Variants in ABTB3 observed in about 807,000 individuals in gnomAD.
ABTB3 encodes ankyrin repeat and BTB domain containing 3.
At chr12:107,433,296 CAAAAAAAAAA>C in the ABTB3 span, among the ~76,000 whole-genome samples, 309 of 23,116 alleles carry the variant, frequency 0.013, 1 homozygote, top group African/African-American at 0.037. Flanking sequence ...GACTCCGTCT[CAAAAAAAAAA>C]AAAAAAAAAA....
chr12:107,626,433 C>T, the ABTB3 span, among the ~76,000 whole-genome samples: 4 of 149,800 alleles, frequency 2.7e-5, no homozygotes, highest in Admixed American at 1.3e-4. Context: ...GCAAGCTCCA[C>T]CTCCCAGGTT....
the ABTB3 span, among the ~76,000 whole-genome samples, chr12:107,458,322 C>T: frequency 2.0e-5 from 3 of 152,176 alleles, no homozygotes; most frequent in African/African-American, 4.8e-5. Flanking sequence ...AAGTGACTTG[C>T]ATAAGGTCAC....
the ABTB3 span, chr12:107,320,149 C>G: frequency 7.4e-7 from 1 of 1,354,478 alleles, no homozygotes; most frequent in East Asian, 2.8e-5. Flanking sequence ...CCTCGCGTCC[C>G]CCTCCCGCGT....
At chr12:107,577,309 G>A in the ABTB3 span, among the ~76,000 whole-genome samples, 47 of 152,310 alleles carry the variant, frequency 3.1e-4, no homozygotes, top group African/African-American at 9.1e-4. Context: ...AGGCCAAAAC[G>A]TTGATGGGCC....
the ABTB3 span, among the ~76,000 whole-genome samples, chr12:107,503,103 C>A: frequency 6.6e-6 from 1 of 152,128 alleles, no homozygotes; most frequent in African/African-American, 2.4e-5. Flanking sequence ...CAGAAGGAAA[C>A]CATGGGCAAG....
At chr12:107,551,205 C>G in the ABTB3 span, among the ~76,000 whole-genome samples, 6 of 152,176 alleles carry the variant, frequency 3.9e-5, no homozygotes, top group African/African-American at 1.2e-4. Context: ...CAATGCCCAG[C>G]CCAGGGCTAA....
chr12:107,337,482 T>G, the ABTB3 span, among the ~76,000 whole-genome samples: 1 of 152,230 alleles, frequency 6.6e-6, no homozygotes, highest in African/African-American at 2.4e-5. Flanking sequence ...CTGGTTCCCA[T>G]GTACCAGATT....
the ABTB3 span, among the ~76,000 whole-genome samples, chr12:107,590,585 C>T: frequency 1.6e-4 from 25 of 152,212 alleles, no homozygotes; most frequent in Non-Finnish European, 3.2e-4. Flanking sequence ...ACAGCAGTTC[C>T]AACAGGCTGG....
the ABTB3 span, among the ~76,000 whole-genome samples, chr12:107,497,229 G>A: frequency 5.1e-5 from 5 of 98,316 alleles, no homozygotes; most frequent in African/African-American, 1.9e-4. Context: ...CCACCTCTAC[G>A]CTCACCACCA....
At chr12:107,524,724 T>C in the ABTB3 span, among the ~76,000 whole-genome samples, 1 of 152,224 alleles carries the variant, frequency 6.6e-6, no homozygotes, top group African/African-American at 2.4e-5. Flanking sequence ...TCCAAGCTTC[T>C]CAAGGCAAAG....
the ABTB3 span, among the ~76,000 whole-genome samples, chr12:107,567,710 G>T: frequency 1.3e-5 from 2 of 152,158 alleles, no homozygotes; most frequent in Non-Finnish European, 2.9e-5. Flanking sequence ...CAGATCACAG[G>T]CCGCATTCGA....
chr12:107,615,649 T>A, the ABTB3 span, among the ~76,000 whole-genome samples: 2 of 152,188 alleles, frequency 1.3e-5, no homozygotes, highest in Admixed American at 6.5e-5. Flanking sequence ...GAGAATCAGG[T>A]CCAGGAGGTC....
the ABTB3 span, among the ~76,000 whole-genome samples, chr12:107,415,207 C>T: frequency 6.6e-6 from 1 of 152,156 alleles, no homozygotes; most frequent in Non-Finnish European, 1.5e-5. Context: ...TCAGAAGGAC[C>T]TTCCATGGCC....
the ABTB3 span, among the ~76,000 whole-genome samples, chr12:107,461,856 T>A: frequency 6.6e-6 from 1 of 152,120 alleles, no homozygotes; most frequent in African/African-American, 2.4e-5. Flanking sequence ...AATCAAATGC[T>A]CCCCTGCTGG....
the ABTB3 span, among the ~76,000 whole-genome samples, chr12:107,391,364 C>T: frequency 2.6e-5 from 4 of 152,060 alleles, no homozygotes; most frequent in African/African-American, 4.8e-5. Context: ...ATCATCAGGC[C>T]GGACCACCTC....
At chr12:107,627,849 C>A in the ABTB3 span, among the ~76,000 whole-genome samples, 2 of 152,156 alleles carry the variant, frequency 1.3e-5, no homozygotes, top group Non-Finnish European at 2.9e-5. Context: ...ACCATCGATG[C>A]AATTTATTAT....
chr12:107,422,819 G>A, the ABTB3 span, among the ~76,000 whole-genome samples: 2 of 152,198 alleles, frequency 1.3e-5, no homozygotes, highest in Admixed American at 6.5e-5. Context: ...TGAGTTTCAG[G>A]CATAGTTGGT....
chr12:107,330,692 T>G, the ABTB3 span, among the ~76,000 whole-genome samples: 1 of 152,198 alleles, frequency 6.6e-6, no homozygotes, highest in African/African-American at 2.4e-5. Context: ...TGATGTATTG[T>G]CTCCTCTAAA....
the ABTB3 span, among the ~76,000 whole-genome samples, chr12:107,454,647 G>C: frequency 2.6e-5 from 4 of 152,156 alleles, no homozygotes; most frequent in Admixed American, 2.0e-4. Context: ...GCATTGGCCA[G>C]ATTGGAGGTG....
Sources: gnomAD v4.1 joint callset for allele counts (sites outside exome capture counted in the v4.1 genomes callset) on GRCh38, gnomAD v4.1.1 for gene constraint, MANE v1.5 for transcripts, NCBI Gene and HGNC (gene_info 2026-07-23, HGNC 2026-07-21) for gene names.